The following NIPBL variants were observed in gnomAD, a reference collection of about 807,000 sequenced individuals.
The protein encoded by NIPBL is NIPBL cohesin loading factor.
Under a neutral mutation model 321.8 loss-of-function variants are expected in NIPBL, and 19 were observed. The ratio of observed to expected loss-of-function variants is 0.06; its 90% CI spans 0.04 to 0.09. The LOEUF (loss-of-function observed/expected upper bound fraction) is 0.09. NIPBL is among the 10% of genes least tolerant of loss of function. NIPBL has a pLI of 1.00. For missense variants in NIPBL, 2,210 were observed against 3,327.0 expected (o/e 0.66, Z 8.26); for synonymous variants, 1,106 against 1,114.1 (o/e 0.99, Z 0.14).
At chr5:36,897,120 A>T (rs1205871084) in intron 1 of NIPBL, among the ~76,000 whole-genome samples, 1 of 151,450 alleles carries the variant, frequency 6.6e-6, no homozygotes, top group African/African-American at 2.4e-5. Context: ...CTCCTGCCTC[A>T]GCCTCCCGAG....
intron 40 of NIPBL, 115 bp from the exon 41 acceptor site, chr5:37,051,664 G>A: frequency 1.4e-6 from 1 of 709,416 alleles, no homozygotes; most frequent in Admixed American, 2.4e-5. Flanking sequence ...AGACTTTATA[G>A]GAAGGCCTAT....
rs1561233755 is a variant in NIPBL, at chr5:37,064,842, G to A, written c.8365G>A (p.Val2789Ile). Residue 2789 changes from valine (V) to isoleucine (I), a missense_variant, in exon 47 of 47, where the codon GTT (valine) becomes ATT (isoleucine). Around this residue, in one of 14 missense-constraint regions of NIPBL, gnomAD observed 159 missense variants for 319.2 expected, o/e 0.50. Transcript: ENST00000282516. ...TSANKLTNKV[V>I]QTLRSLYAAK... ...TGCTAATAAGCTGACTAATAAAGTT[G>A]TTCAGACTTTACGATCCCTGTATGC... The A allele has an allele frequency of 1.2e-6, 2 of 1,614,082 alleles. No individual in the cohort carries two copies. The highest frequency in any genetic ancestry group is 8.5e-7 in the Non-Finnish European group (1 of 1,180,008).
chr5:36,925,936 T>C (rs1162588950), intron 1 of NIPBL, among the ~76,000 whole-genome samples: 1 of 152,230 alleles, frequency 6.6e-6, no homozygotes, highest in African/African-American at 2.4e-5. Flanking sequence ...AACCTCCTGC[T>C]ATGCTCATTT....
Position 37,060,892 on chromosome 5 carries a change from A to G in NIPBL, c.7734A>G (p.Lys2578=). ...SPSESAKVYD[K]AINRKTGVHF... is the part of the protein sequence containing the mutation. ...CTGAATCTGCAAAAGTATATGATAA[A>G]GCGATAAACCGAAAAACAGGAGTTC... Residue 2578 remains lysine (K), a synonymous_variant, in exon 45 of 47, where the codon AAA becomes AAG. Coordinates refer to ENST00000282516, the MANE Select transcript of NIPBL (RefSeq NM_133433.4). The G allele has an allele frequency of 6.2e-7, 1 of 1,614,112 alleles. No individual in the cohort carries two copies.
intron 16 of NIPBL, among the ~76,000 whole-genome samples, chr5:37,005,815 A>G (rs1190685290): frequency 1.3e-5 from 2 of 152,274 alleles, no homozygotes; most frequent in South Asian, 2.1e-4. Context: ...CAGTTCTTAA[A>G]TTATCCATTT....
At position 37,064,673 on chromosome 5, in the gene NIPBL, C is replaced by T; in HGVS notation, c.8196C>T (p.Ser2732=). The T allele has an allele frequency of 6.2e-7, 1 of 1,614,146 alleles. No individual in the cohort carries two copies. Among genetic ancestry groups the T allele is most frequent in the Non-Finnish European group, 8.5e-7 (1 of 1,180,030 alleles). Residue 2732 remains serine (S), a synonymous_variant, in exon 47 of 47, where the codon AGC becomes AGT. Coordinates refer to ENST00000282516, the MANE Select transcript of NIPBL (RefSeq NM_133433.4). ...TTGCAAGAGTAGTGCAGAAAACCAG[C>T]AGTGGCTTCAGTGTTCAGTGGATGG... The part of the protein sequence containing the change: ...PQIARVVQKT[S]SGFSVQWMAG...
chr5:36,932,949 G>A (rs1467496099), intron 1 of NIPBL, among the ~76,000 whole-genome samples: 1 of 151,638 alleles, frequency 6.6e-6, no homozygotes, highest in East Asian at 1.9e-4. Flanking sequence ...AGGCATATAG[G>A]AGTACATTGG....
chr5:37,064,429 C>T, intron 46 of NIPBL, 98 bp from the exon 47 acceptor site: 2 of 1,573,732 alleles, frequency 1.3e-6, no homozygotes, highest in Non-Finnish European at 1.7e-6. Context: ...GAAATCCCAA[C>T]TCCCGGCGTC....
intron 1 of NIPBL, among the ~76,000 whole-genome samples, chr5:36,934,548 A>G (rs1425328579): frequency 6.6e-6 from 1 of 152,176 alleles, no homozygotes; most frequent in African/African-American, 2.4e-5. Context: ...ACAGTGGGTC[A>G]ACTTTACAGT....
rs1156716216 is a variant in NIPBL, at chr5:37,047,448, C to T, written c.6590-1054C>T. Among the ~76,000 whole-genome samples, 3 of 152,254 alleles carry T rather than the reference C, an allele frequency of 2.0e-5. No individual in the cohort carries two copies. The East Asian group carries it at 5.8e-4, about 29-fold the overall frequency. On this transcript the variant is annotated intron_variant, in intron 38 of 46. Coordinates refer to ENST00000282516, the MANE Select transcript of NIPBL (RefSeq NM_133433.4). ...ATTGAAACCTTATCATTTTATTCCT[C>T]CTCCATCCCTTTTTGAAAATTACAT...
At chr5:36,995,859 T>G in intron 11 of NIPBL, 55 bp downstream of exon 11, 1 of 1,490,964 alleles carries the variant, frequency 6.7e-7, no homozygotes, top group Non-Finnish European at 9.3e-7. Context: ...CAGGTTGATG[T>G]GTTTTTCTCA....
chr5:36,908,108 T>A (rs969913518), intron 1 of NIPBL, among the ~76,000 whole-genome samples: 1 of 152,172 alleles, frequency 6.6e-6, no homozygotes, highest in African/African-American at 2.4e-5. Context: ...CAAAGATTCA[T>A]AAATATTTAA....
intron 11 of NIPBL, among the ~76,000 whole-genome samples, chr5:36,999,987 G>A (rs1184001186): frequency 1.3e-5 from 2 of 152,150 alleles, no homozygotes; most frequent in African/African-American, 2.4e-5. Context: ...AGTGCTTTAA[G>A]GTGGTTCTGT....
In NIPBL at chr5:37,001,086, C is replaced by G; in HGVS notation, c.3664+8C>G. On this transcript the variant is annotated splice_region_variant and intron_variant, in intron 14 of 46. Transcript: ENST00000282516. The stretch of plus-strand genomic sequence containing the variant: ...TGGATTTTACTGCGTTTGGTAAAAT[C>G]AACTTAAAATACATTTACACATACT... 6.4e-7 allele frequency: 1 copy of G among 1,560,384 alleles called. No individual in the cohort carries two copies. The highest frequency in any genetic ancestry group is 8.8e-7 in the Non-Finnish European group (1 of 1,133,298).
chr5:36,907,672 C>T (rs1003170384), intron 1 of NIPBL, among the ~76,000 whole-genome samples: 1 of 152,128 alleles, frequency 6.6e-6, no homozygotes, highest in Non-Finnish European at 1.5e-5. Flanking sequence ...TTATAACAGG[C>T]ACTTTTTCCT....
intron 1 of NIPBL, among the ~76,000 whole-genome samples, chr5:36,912,522 G>A (rs1748125053): frequency 6.7e-6 from 1 of 149,652 alleles, no homozygotes; most frequent in African/African-American, 2.5e-5. Flanking sequence ...TTTTTTTTGG[G>A]GATGGAATCT....
chr5:37,002,798 T>TTCA, intron 15 of NIPBL, 33 bp downstream of exon 15: 4 of 1,184,840 alleles, frequency 3.4e-6, no homozygotes, highest in Non-Finnish European at 5.0e-6. Context: ...ATAAATTTAC[T>TTCA]TCATAGAAAC....
chr5:36,910,028 A>G (rs1747928782), intron 1 of NIPBL, among the ~76,000 whole-genome samples: 1 of 151,946 alleles, frequency 6.6e-6, no homozygotes, highest in Non-Finnish European at 1.5e-5. Flanking sequence ...GTGAGCGGAG[A>G]TCACGCCACT....
At chr5:36,895,122 A>G (rs1746636945) in intron 1 of NIPBL, among the ~76,000 whole-genome samples, 1 of 152,202 alleles carries the variant, frequency 6.6e-6, no homozygotes, top group Non-Finnish European at 1.5e-5. Flanking sequence ...ATCACCCCCC[A>G]AAAAACCACG....
Sources: allele counts gnomAD v4.1 joint callset (sites outside exome capture counted in the v4.1 genomes callset), GRCh38; gene constraint gnomAD v4.1.1; regional missense constraint gnomAD v4.1.1; transcripts MANE v1.5; gene names NCBI Gene and HGNC (gene_info 2026-07-23, HGNC 2026-07-21).